The following SLC25A21 variants were observed in gnomAD, a reference collection of about 807,000 sequenced individuals.
The protein encoded by SLC25A21 is solute carrier family 25 member 21.
A neutral mutation model predicts 43.8 loss-of-function variants in SLC25A21; 47 were observed. That is an observed-to-expected ratio of 1.07 (90% CI 0.85 to 1.37). The LOEUF (loss-of-function observed/expected upper bound fraction) is 1.37. Among genes scored for constraint, SLC25A21 ranks in the 40% most tolerant of loss-of-function variants. The pLI, the probability that SLC25A21 is intolerant of heterozygous loss-of-function variation, is 0.00. For synonymous variants in SLC25A21, 131 were observed against 121.3 expected, an observed-to-expected ratio of 1.08 and a Z score of -0.52; for missense variants, 352 against 350.2, an observed-to-expected ratio of 1.00 and a Z score of -0.04.
chr14:36,855,040 T>C (rs915637110), intron 2 of SLC25A21, among the ~76,000 whole-genome samples: 52 of 151,962 alleles, frequency 3.4e-4, no homozygotes, highest in African/African-American at 1.2e-3. Flanking sequence ...TAAAAAATAA[T>C]AAGCATCAGT....
At chr14:36,771,041 C>T (rs1886600032) in intron 3 of SLC25A21, among the ~76,000 whole-genome samples, 2 of 146,006 alleles carry the variant, frequency 1.4e-5, no homozygotes, top group Non-Finnish European at 3.0e-5. Flanking sequence ...CTCCACAGTA[C>T]AGTAACTGAT....
At chr14:37,062,669 T>C (rs544992404) in intron 1 of SLC25A21, among the ~76,000 whole-genome samples, 61 of 152,166 alleles carry the variant, frequency 4.0e-4, no homozygotes, top group Middle Eastern at 3.4e-3. Flanking sequence ...GGGTGAACAC[T>C]AAAGTCAAGG....
At chr14:36,897,023 C>T (rs866078628) in intron 1 of SLC25A21, among the ~76,000 whole-genome samples, 1 of 152,102 alleles carries the variant, frequency 6.6e-6, no homozygotes, top group Admixed American at 6.6e-5. Context: ...TGTCTTGGAG[C>T]TGCTCTTCTC....
intron 9 of SLC25A21, among the ~76,000 whole-genome samples, chr14:36,682,854 G>A (rs552553247): frequency 6.6e-6 from 1 of 152,314 alleles, no homozygotes; most frequent in South Asian, 2.1e-4. Context: ...ATATATGAAA[G>A]TGTGAGCTGT....
chr14:36,847,936 A>G (rs1284237807), intron 2 of SLC25A21, among the ~76,000 whole-genome samples: 3 of 152,146 alleles, frequency 2.0e-5, no homozygotes, highest in Non-Finnish European at 4.4e-5. Flanking sequence ...TTGAATATAG[A>G]CCAACAGTGG....
At chr14:36,887,516 T>TCACG (rs1890954243) in intron 1 of SLC25A21, among the ~76,000 whole-genome samples, 1 of 146,430 alleles carries the variant, frequency 6.8e-6, no homozygotes, top group South Asian at 2.2e-4. Flanking sequence ...TGAGCAGAGA[T>TCACG]CACGCCACTG....
Position 36,679,598 on chromosome 14 carries a change from G to A in SLC25A21, c.*1060C>T. 2 of 985,332 alleles carry A rather than the reference G, an allele frequency of 2.0e-6. No homozygotes were observed. Among genetic ancestry groups the A allele is most frequent in the Non-Finnish European group, 1.2e-6 (1 of 829,846 alleles). 61.0% of individuals were successfully genotyped at this position (985,332 alleles called of 1,614,324 possible). Reference sequence around the variant, plus strand: ...GTATAGTAATCCTTAGAAATGCTAAGTGTATTTCTTTTTCAGAACATTTCC... The same window carrying A: ...GTATAGTAATCCTTAGAAATGCTAAATGTATTTCTTTTTCAGAACATTTCC... On this transcript the variant is annotated 3_prime_UTR_variant, in exon 10 of 10. Coordinates refer to ENST00000331299, the MANE Select transcript of SLC25A21 (RefSeq NM_030631.4).
At chr14:36,804,178 CT>C (rs1313270968) in intron 3 of SLC25A21, among the ~76,000 whole-genome samples, 2 of 152,138 alleles carry the variant, frequency 1.3e-5, no homozygotes, top group Non-Finnish European at 2.9e-5. Flanking sequence ...CTGAAGTTTT[CT>C]TGTACATAGA....
chr14:36,899,585 C>G (rs755167628), intron 1 of SLC25A21, among the ~76,000 whole-genome samples: 3 of 152,186 alleles, frequency 2.0e-5, no homozygotes, highest in Non-Finnish European at 2.9e-5. Flanking sequence ...TCTGAGGTTT[C>G]TCTTGCCTTG....
chr14:37,010,604 A>G (rs1431677090), intron 1 of SLC25A21, among the ~76,000 whole-genome samples: 1 of 152,216 alleles, frequency 6.6e-6, no homozygotes, highest in Non-Finnish European at 1.5e-5. Flanking sequence ...CTTAGGGGTC[A>G]GAGGAGTCTA....
At chr14:37,117,111 C>T (rs1963119815) in intron 1 of SLC25A21, among the ~76,000 whole-genome samples, 2 of 152,062 alleles carry the variant, frequency 1.3e-5, no homozygotes, top group African/African-American at 4.8e-5. Flanking sequence ...TTGATATTGA[C>T]AAAGGGCACT....
At chr14:37,032,136 A>G (rs563342643) in intron 1 of SLC25A21, among the ~76,000 whole-genome samples, 1 of 152,334 alleles carries the variant, frequency 6.6e-6, no homozygotes, top group African/African-American at 2.4e-5. Flanking sequence ...AAGAAATTAA[A>G]GTACTACAGA....
chr14:37,152,091 T>C (rs934833589), intron 1 of SLC25A21, among the ~76,000 whole-genome samples: 6 of 152,188 alleles, frequency 3.9e-5, no homozygotes, highest in Admixed American at 3.9e-4. Flanking sequence ...TTGCACATAG[T>C]AAGCATTCAG....
At chr14:36,975,149 G>T (rs908276147) in intron 1 of SLC25A21, among the ~76,000 whole-genome samples, 1 of 152,172 alleles carries the variant, frequency 6.6e-6, no homozygotes, top group Non-Finnish European at 1.5e-5. Context: ...CTACGCAGAA[G>T]AAGGAAAGAC....
intron 7 of SLC25A21, 98 bp from the exon 8 acceptor site, chr14:36,685,023 C>T (rs1882474446): frequency 2.4e-6 from 2 of 830,626 alleles, no homozygotes; most frequent in Non-Finnish European, 1.8e-6. Context: ...GAGCATTGCA[C>T]TCCCGGCACC....
At chr14:37,147,039 A>C (rs1054503499) in intron 1 of SLC25A21, among the ~76,000 whole-genome samples, 2 of 152,118 alleles carry the variant, frequency 1.3e-5, no homozygotes, top group Admixed American at 6.6e-5. Context: ...TTCACCAACC[A>C]TCCATTTATT....
At chr14:36,740,617 A>G (rs1474413030) in intron 3 of SLC25A21, among the ~76,000 whole-genome samples, 1 of 145,514 alleles carries the variant, frequency 6.9e-6, no homozygotes, top group Non-Finnish European at 1.5e-5. Context: ...TTTATCCCTC[A>G]TTCAACCCCC....
Position 37,140,022 on chromosome 14 carries a change from C to T in SLC25A21, c.70+32259G>A, listed in dbSNP as rs369704053. 5.3e-5 allele frequency among the ~76,000 whole-genome samples: 8 copies of T among 152,150 alleles called. No homozygotes were observed. The East Asian group carries it at 7.7e-4, about 15-fold the overall frequency. ...ACTGAATAGTACATTCTTAGAAAAA[C>T]ACCATAGCTTCCCCTAATGCTGCAG... On this transcript the variant is annotated intron_variant, in intron 1 of 9. Transcript: ENST00000331299.
chr14:36,917,099 A>C (rs1891851600), intron 1 of SLC25A21, among the ~76,000 whole-genome samples: 1 of 152,176 alleles, frequency 6.6e-6, no homozygotes, highest in Non-Finnish European at 1.5e-5. Context: ...TTTTAGAAAT[A>C]TTCTCTACTA....
Sources: gnomAD v4.1 joint callset for allele counts (sites outside exome capture counted in the v4.1 genomes callset) on GRCh38, gnomAD v4.1.1 for gene constraint, MANE v1.5 for transcripts, NCBI Gene and HGNC (gene_info 2026-07-23, HGNC 2026-07-21) for gene names.